CNBD1: variants seen among roughly 807,000 people sequenced by gnomAD.
CNBD1 encodes cyclic nucleotide binding domain containing 1.
Under a neutral mutation model 54.4 loss-of-function variants are expected in CNBD1, and 71 were observed. The ratio of observed to expected loss-of-function variants is 1.30; its 90% CI spans 1.08 to 1.59. The LOEUF (loss-of-function observed/expected upper bound fraction) is 1.59. Among genes scored for constraint, CNBD1 ranks in the 40% most tolerant of loss-of-function variants. The pLI, the probability that CNBD1 is intolerant of heterozygous loss-of-function variation, is 0.00. For missense variants in CNBD1, 659 were observed against 518.0 expected, an observed-to-expected ratio of 1.27 and a Z score of -2.64; for synonymous variants, 182 against 170.7, an observed-to-expected ratio of 1.07 and a Z score of -0.51.
chr8:87,370,674 G>T (rs1009358012), intron 10 of CNBD1, among the ~76,000 whole-genome samples: 2 of 151,048 alleles, frequency 1.3e-5, no homozygotes, highest in East Asian at 2.0e-4. Context: ...CCATTTTGTA[G>T]GTTGCCTGTT....
chr8:87,149,822 A>T (rs1229819768), intron 4 of CNBD1, among the ~76,000 whole-genome samples: 1 of 152,126 alleles, frequency 6.6e-6, no homozygotes, highest in Non-Finnish European at 1.5e-5. Flanking sequence ...CGGAATAAGG[A>T]TCAATGGCCA....
At chr8:87,349,132 A>G (rs1013440521) in intron 8 of CNBD1, among the ~76,000 whole-genome samples, 1 of 152,174 alleles carries the variant, frequency 6.6e-6, no homozygotes, top group African/African-American at 2.4e-5. Flanking sequence ...AAGTCTTTTC[A>G]TTTAAAAATG....
intron 6 of CNBD1, among the ~76,000 whole-genome samples, chr8:87,263,690 A>G (rs1226412811): frequency 6.6e-6 from 1 of 152,180 alleles, no homozygotes; most frequent in Non-Finnish European, 1.5e-5. Flanking sequence ...AAGGCAAACA[A>G]AATTCCTAAC....
intron 6 of CNBD1, among the ~76,000 whole-genome samples, chr8:87,269,356 A>G (rs1808320162): frequency 6.6e-6 from 1 of 152,096 alleles, no homozygotes; most frequent in Non-Finnish European, 1.5e-5. Context: ...AGATAATGTG[A>G]TGCCTCCAGC....
At chr8:86,891,623 A>T (rs4278168) in intron 2 of CNBD1, among the ~76,000 whole-genome samples, 77,634 of 151,842 alleles carry the variant, frequency 0.51, 20,016 homozygotes, top group South Asian at 0.58. Flanking sequence ...TTTTGTGAAG[A>T]TGACATTGGA....
At chr8:87,036,949 A>G (rs1200647220) in intron 4 of CNBD1, among the ~76,000 whole-genome samples, 1 of 152,190 alleles carries the variant, frequency 6.6e-6, no homozygotes, top group Non-Finnish European at 1.5e-5. Context: ...ACTTGTGAAG[A>G]CAAACCTTTT....
chr8:87,338,451 G>C (rs931723349), intron 8 of CNBD1, among the ~76,000 whole-genome samples: 2 of 151,836 alleles, frequency 1.3e-5, no homozygotes, highest in African/African-American at 2.4e-5. Flanking sequence ...AGAATTCAAG[G>C]TTGGTGATTT....
rs977374972 is a variant in CNBD1 at position 87,242,362 on chromosome 8, C to G, written c.771+5250C>G. 7.2e-3 allele frequency among the ~76,000 whole-genome samples: 1,092 copies of G among 152,254 alleles called. 11 individuals are homozygous for G. The highest frequency in any genetic ancestry group is 0.025 in the African/African-American group (1,035 of 41,538). The stretch of plus-strand genomic sequence containing the variant: ...TTTTAAGTCTGATATGAAACATTTA[C>G]AATCTATTATGTCTGAAGCCTGCTA... On this transcript the variant is annotated intron_variant, in intron 6 of 10. Transcript: ENST00000518476.
intron 4 of CNBD1, among the ~76,000 whole-genome samples, chr8:87,169,027 A>G (rs1301705821): frequency 6.6e-6 from 1 of 151,998 alleles, no homozygotes; most frequent in East Asian, 1.9e-4. Flanking sequence ...TAGTGGTTGT[A>G]CTACTTTACA....
chr8:87,370,832 G>A (rs567163158), intron 10 of CNBD1, among the ~76,000 whole-genome samples: 1 of 150,342 alleles, frequency 6.7e-6, no homozygotes, highest in South Asian at 2.1e-4. Flanking sequence ...TAATGCCTAG[G>A]TTTTCTTCTA....
chr8:86,977,925 A>C (rs1254752402), intron 4 of CNBD1, among the ~76,000 whole-genome samples: 2 of 152,178 alleles, frequency 1.3e-5, no homozygotes, highest in Admixed American at 1.3e-4. Flanking sequence ...ACAAAAACAC[A>C]ACAATAAAAG....
intron 6 of CNBD1, among the ~76,000 whole-genome samples, chr8:87,270,698 AATTT>A (rs1197918195): frequency 4.0e-5 from 6 of 151,854 alleles, no homozygotes; most frequent in Admixed American, 1.3e-4. Context: ...TTTTTAAAAA[AATTT>A]ATTTATTTAT....
At chr8:87,129,549 T>C (rs1208363366) in intron 4 of CNBD1, among the ~76,000 whole-genome samples, 1 of 152,170 alleles carries the variant, frequency 6.6e-6, no homozygotes, top group African/African-American at 2.4e-5. Context: ...GTTTTCTTAA[T>C]TTTCTCTTTA....
At chr8:87,114,828 T>G (rs1241552156) in intron 4 of CNBD1, among the ~76,000 whole-genome samples, 1 of 152,234 alleles carries the variant, frequency 6.6e-6, no homozygotes, top group South Asian at 2.1e-4. Flanking sequence ...TAACTACTAC[T>G]TGTGTCTCTT....
rs546536296 is a variant in CNBD1, at chr8:87,215,349, G to A, written c.577+9211G>A. Among the ~76,000 whole-genome samples, 3 of 152,220 alleles carry A rather than the reference G, an allele frequency of 2.0e-5. No individual in the cohort carries two copies. In the South Asian group the frequency reaches 6.2e-4, roughly 32 times the overall value. On this transcript the variant is annotated intron_variant, in intron 5 of 10. Coordinates refer to ENST00000518476, the MANE Select transcript of CNBD1 (RefSeq NM_173538.3). ...TGAGGTAAGGGACATTATTGCTGATGCATAAGGTGGGCGGATCACGAGGTC... is the reference window on the plus strand; with the variant it reads ...TGAGGTAAGGGACATTATTGCTGATACATAAGGTGGGCGGATCACGAGGTC...
intron 4 of CNBD1, among the ~76,000 whole-genome samples, chr8:86,959,400 T>C (rs1407624747): frequency 6.6e-6 from 1 of 152,200 alleles, no homozygotes; most frequent in Non-Finnish European, 1.5e-5. Context: ...TGGCCTGCCT[T>C]GCTAGGTTGA....
intron 8 of CNBD1, among the ~76,000 whole-genome samples, chr8:87,303,489 A>G (rs1303135572): frequency 6.6e-6 from 1 of 151,992 alleles, no homozygotes; most frequent in Non-Finnish European, 1.5e-5. Context: ...AATTAATTCA[A>G]GATGGATTAA....
intron 4 of CNBD1, among the ~76,000 whole-genome samples, chr8:87,127,479 A>G (rs563975606): frequency 6.6e-6 from 1 of 152,308 alleles, no homozygotes; most frequent in African/African-American, 2.4e-5. Flanking sequence ...ATGGAAATAA[A>G]ATTGATTTAT....
chr8:87,236,853 A>G (rs1807592629), intron 5 of CNBD1, 66 bp from the exon 6 acceptor site: 2 of 876,298 alleles, frequency 2.3e-6, no homozygotes, highest in Non-Finnish European at 1.8e-6. Context: ...TAATATATAT[A>G]TTAGTCATAT....
Sources: allele counts gnomAD v4.1 joint callset (sites outside exome capture counted in the v4.1 genomes callset), GRCh38; gene constraint gnomAD v4.1.1; transcripts MANE v1.5; gene names NCBI Gene and HGNC (gene_info 2026-07-23, HGNC 2026-07-21).